The following TENM2 variants were observed in gnomAD, a reference collection of about 807,000 sequenced individuals.
TENM2 encodes teneurin-2.
In TENM2, 52 loss-of-function variants were observed where a neutral mutation model predicts 245.2. That is an observed-to-expected ratio of 0.21 (90% CI 0.17 to 0.27). The LOEUF (loss-of-function observed/expected upper bound fraction) is 0.27, where lower values mean the gene tolerates loss of function less well. TENM2 is among the 10% of genes least tolerant of loss of function. TENM2 has a pLI of 1.00. For missense variants in TENM2, 3,046 were observed against 3,666.8 expected (o/e 0.83, Z 4.37); for synonymous variants, 1,363 against 1,438.9 (o/e 0.95, Z 1.19).
intron 4 of TENM2, among the ~76,000 whole-genome samples, chr5:167,960,787 G>A (rs183125710): frequency 9.3e-4 from 142 of 152,244 alleles, no homozygotes; most frequent in Non-Finnish European, 1.6e-3. Flanking sequence ...CTGCCCAAAC[G>A]GCCACCCAGT....
the TENM2 span, among the ~76,000 whole-genome samples, chr5:167,073,507 T>A: frequency 3.2e-4 from 49 of 152,254 alleles, no homozygotes; most frequent in African/African-American, 1.2e-3. Context: ...ACAAAAGTAA[T>A]TTGTACTGCC....
chr5:167,564,994 A>C (rs1330070363), intron 2 of TENM2, among the ~76,000 whole-genome samples: 1 of 152,266 alleles, frequency 6.6e-6, no homozygotes, highest in Non-Finnish European at 1.5e-5. Context: ...AATCCCCAGC[A>C]TAAGGAACTG....
chr5:168,047,071 T>G (rs1027622141), intron 5 of TENM2, among the ~76,000 whole-genome samples: 1 of 151,934 alleles, frequency 6.6e-6, no homozygotes, highest in South Asian at 2.1e-4. Flanking sequence ...GTGTCCAGAG[T>G]GTAGAAAAGG....
At chr5:167,925,428 C>T (rs1777677223) in intron 3 of TENM2, among the ~76,000 whole-genome samples, 1 of 152,146 alleles carries the variant, frequency 6.6e-6, no homozygotes, top group Non-Finnish European at 1.5e-5. Flanking sequence ...TATTCTCTAT[C>T]CTGAGAAAGC....
intron 25 of TENM2, among the ~76,000 whole-genome samples, chr5:168,232,919 GGAA>G (rs1765067275): frequency 6.6e-6 from 1 of 152,142 alleles, no homozygotes; most frequent in Non-Finnish European, 1.5e-5. Flanking sequence ...CTCAGTGCAG[GGAA>G]GATTTTCATT....
At chr5:168,148,427 T>C (rs1175072962) in intron 12 of TENM2, among the ~76,000 whole-genome samples, 1 of 152,218 alleles carries the variant, frequency 6.6e-6, no homozygotes, top group African/African-American at 2.4e-5. Context: ...GTGCCACACA[T>C]GAATGTACCT....
At chr5:167,269,605 C>T in the TENM2 span, among the ~76,000 whole-genome samples, 2 of 151,630 alleles carry the variant, frequency 1.3e-5, no homozygotes, top group Non-Finnish European at 2.9e-5. Context: ...GTCAGTCCTC[C>T]CTCCCCTACC....
chr5:167,577,994 T>TCAG (rs1272235129), intron 2 of TENM2, among the ~76,000 whole-genome samples: 2 of 152,250 alleles, frequency 1.3e-5, no homozygotes, highest in East Asian at 3.9e-4. Flanking sequence ...ATAATCCCCA[T>TCAG]CAGCAAAATC....
At chr5:168,070,643 T>A (rs1036889111) in intron 7 of TENM2, among the ~76,000 whole-genome samples, 28 of 148,876 alleles carry the variant, frequency 1.9e-4, no homozygotes, top group African/African-American at 3.5e-4. Context: ...AAATTAATTA[T>A]CCATGTATGG....
At chr5:167,159,272 C>G in the TENM2 span, among the ~76,000 whole-genome samples, 5 of 151,892 alleles carry the variant, frequency 3.3e-5, no homozygotes, top group South Asian at 8.3e-4. Flanking sequence ...CTCTTAGAAT[C>G]TACAATTTCC....
At chr5:167,317,299 T>C (rs1756421248) in intron 1 of TENM2, among the ~76,000 whole-genome samples, 1 of 152,134 alleles carries the variant, frequency 6.6e-6, no homozygotes, top group African/African-American at 2.4e-5. Context: ...TATTCATTTT[T>C]TAAAACCTTC....
chr5:168,147,379 C>T (rs920647387), intron 12 of TENM2, among the ~76,000 whole-genome samples: 3 of 152,196 alleles, frequency 2.0e-5, no homozygotes, highest in African/African-American at 7.2e-5. Context: ...GCATATTTTG[C>T]ACGGACGTTT....
At chr5:168,116,265 T>C (rs1795075447) in intron 9 of TENM2, among the ~76,000 whole-genome samples, 1 of 152,186 alleles carries the variant, frequency 6.6e-6, no homozygotes, top group South Asian at 2.1e-4. Context: ...GTTCTCACTT[T>C]TGAACTCATT....
chr5:167,784,118 A>T (rs1764399311), intron 2 of TENM2, among the ~76,000 whole-genome samples: 1 of 152,210 alleles, frequency 6.6e-6, no homozygotes, highest in South Asian at 2.1e-4. Context: ...CAGCAGTGTC[A>T]TCGTTGCAGC....
chr5:167,931,551 G>A (rs868207412), intron 3 of TENM2, among the ~76,000 whole-genome samples: 16,830 of 110,074 alleles, frequency 0.15, 1,278 homozygotes, highest in African/African-American at 0.22. Flanking sequence ...AAACCCATTG[G>A]AAAAAAAAAA....
intron 1 of TENM2, among the ~76,000 whole-genome samples, chr5:167,295,223 A>G (rs1391595809): frequency 2.6e-5 from 4 of 152,240 alleles, no homozygotes; most frequent in African/African-American, 9.6e-5. Flanking sequence ...TGTGGATGGT[A>G]TGTCTGTCCA....
chr5:167,275,495 A>G, the TENM2 span, among the ~76,000 whole-genome samples: 3 of 152,078 alleles, frequency 2.0e-5, no homozygotes, highest in Admixed American at 6.6e-5. Flanking sequence ...CCATGACACA[A>G]TATGTCTCTC....
the TENM2 span, among the ~76,000 whole-genome samples, chr5:167,063,077 A>T: frequency 6.6e-6 from 1 of 152,126 alleles, no homozygotes; most frequent in Non-Finnish European, 1.5e-5. Context: ...CAATTGGTGG[A>T]CACATTGTAA....
At chr5:167,498,038 A>G (rs1245839814) in intron 2 of TENM2, among the ~76,000 whole-genome samples, 1 of 152,138 alleles carries the variant, frequency 6.6e-6, no homozygotes, top group African/African-American at 2.4e-5. Context: ...GGGACTGACC[A>G]AAGAGTATGA....
Sources: allele counts gnomAD v4.1 joint callset (sites outside exome capture counted in the v4.1 genomes callset), GRCh38; gene constraint gnomAD v4.1.1; transcripts MANE v1.5; gene names NCBI Gene and HGNC (gene_info 2026-07-23, HGNC 2026-07-21).